Variants in NLRP5 observed in about 807,000 individuals in gnomAD.
NLRP5 encodes NLR family pyrin domain containing 5.
A neutral mutation model predicts 113.1 loss-of-function variants in NLRP5; 93 were observed. That is an observed-to-expected ratio of 0.82 (90% CI 0.70 to 0.98). The LOEUF (loss-of-function observed/expected upper bound fraction) is 0.98, where lower values mean the gene tolerates loss of function less well. NLRP5 is among the 50% of genes least tolerant of loss of function. The probability of loss-of-function intolerance (pLI) is 0.00; values close to 1 mark genes in which losing one functional copy is unlikely to be tolerated. For missense variants in NLRP5, 1,808 were observed against 1,514.3 expected (o/e 1.19, Z -3.22); for synonymous variants, 751 against 600.7 (o/e 1.25, Z -3.66).
chr19:56,053,507 C>A, intron 12 of NLRP5, 131 bp from the exon 13 acceptor site: 1 of 744,880 alleles, frequency 1.3e-6, no homozygotes, highest in Non-Finnish European at 2.2e-6. Flanking sequence ...CTAAGCTGTT[C>A]ACAGGAGTGG....
chr19:56,018,327 T>G (rs1454404526), intron 4 of NLRP5, among the ~76,000 whole-genome samples: 1 of 152,226 alleles, frequency 6.6e-6, no homozygotes, highest in Non-Finnish European at 1.5e-5. Flanking sequence ...TCATATATCC[T>G]AAGACGAATT....
In NLRP5 at chr19:56,027,944, C is replaced by T. The variant is rs201845628; in HGVS notation, c.1711C>T (p.Leu571Phe). 1 of 1,613,902 alleles carries T rather than the reference C, an allele frequency of 6.2e-7. No homozygotes were observed. The highest frequency in any genetic ancestry group is 8.5e-7 in the Non-Finnish European group (1 of 1,179,848). ...TGCTCTGTTTCACATGAACATCCTT[C>T]TCCCAGACAGCCACTGTGAGGAGTA... is the stretch of plus-strand genomic sequence containing the variant. The change falls in exon 7 of 15, where the codon CTC (leucine) becomes TTC (phenylalanine). Residue 571 changes from leucine (L) to phenylalanine (F), a missense_variant. Coordinates refer to ENST00000390649, the MANE Select transcript of NLRP5 (RefSeq NM_153447.4).
chr19:56,003,245 A>G (rs1397467095), intron 1 of NLRP5, among the ~76,000 whole-genome samples: 2 of 152,152 alleles, frequency 1.3e-5, no homozygotes, highest in African/African-American at 4.8e-5. Flanking sequence ...TTCGCCTTCC[A>G]GATTCAAGCG....
chr19:56,015,939 T>C, intron 4 of NLRP5, 141 bp downstream of exon 4: 2 of 564,766 alleles, frequency 3.5e-6, no homozygotes, highest in Non-Finnish European at 6.2e-6. Context: ...CCCTCTTCCC[T>C]AAGAGATCTT....
intron 11 of NLRP5, among the ~76,000 whole-genome samples, chr19:56,049,981 G>A (rs1010265121): frequency 1.3e-5 from 2 of 152,068 alleles, no homozygotes; most frequent in Admixed American, 6.6e-5. Context: ...TTCTGTCAGA[G>A]GGAAGGTCTT....
intron 9 of NLRP5, among the ~76,000 whole-genome samples, 198 bp downstream of exon 9, chr19:56,033,907 T>C (rs997825012): frequency 1.3e-5 from 2 of 152,112 alleles, no homozygotes; most frequent in African/African-American, 2.4e-5. Context: ...TTATAAATAC[T>C]TTATCACAAT....
At chr19:56,015,608 C>A in intron 3 of NLRP5, 134 bp from the exon 4 acceptor site, 1 of 570,078 alleles carries the variant, frequency 1.8e-6, no homozygotes, top group Non-Finnish European at 2.9e-6. Flanking sequence ...GGCGCTGAGC[C>A]AGTGGTTCTG....
chr19:56,050,924 C>G (rs533154979), intron 12 of NLRP5, among the ~76,000 whole-genome samples: 2 of 152,250 alleles, frequency 1.3e-5, no homozygotes, highest in Admixed American at 1.3e-4. Context: ...AATCTCTTTC[C>G]CTCTGGGGCT....
chr19:56,047,497 A>G (rs1256437464), intron 11 of NLRP5, among the ~76,000 whole-genome samples: 1 of 152,138 alleles, frequency 6.6e-6, no homozygotes, highest in African/African-American at 2.4e-5. Flanking sequence ...GTGCTCATTC[A>G]GGAGCAGGTT....
chr19:56,024,769 A>C (rs1982774070), intron 6 of NLRP5, among the ~76,000 whole-genome samples: 1 of 151,458 alleles, frequency 6.6e-6, no homozygotes, highest in Non-Finnish European at 1.5e-5. Context: ...AAAAAAAAAA[A>C]TCTTCATCAG....
intron 1 of NLRP5, among the ~76,000 whole-genome samples, chr19:56,002,433 G>A (rs1176446507): frequency 1.3e-5 from 2 of 151,818 alleles, no homozygotes; most frequent in African/African-American, 4.8e-5. Context: ...TTAGTAACTG[G>A]TAGGAATCTA....
intron 10 of NLRP5, among the ~76,000 whole-genome samples, chr19:56,039,059 G>C (rs2123320973): frequency 6.6e-6 from 1 of 152,314 alleles, no homozygotes; most frequent in Non-Finnish European, 1.5e-5. Context: ...TGCTTACTGA[G>C]CTGTGCCAAG....
chr19:56,044,843 G>A (rs1300208328), intron 11 of NLRP5, among the ~76,000 whole-genome samples: 1 of 152,142 alleles, frequency 6.6e-6, no homozygotes, highest in Non-Finnish European at 1.5e-5. Flanking sequence ...CATGAGCATG[G>A]GATGTGTGTC....
intron 2 of NLRP5, among the ~76,000 whole-genome samples, chr19:56,005,537 C>T (rs1244150798): frequency 2.7e-5 from 4 of 148,068 alleles, no homozygotes; most frequent in Non-Finnish European, 4.4e-5. Context: ...CACACGCACA[C>T]ACGCAGGTGG....
Position 56,061,534 on chromosome 19 carries a change from C to T in NLRP5, c.*6C>T, listed in dbSNP as rs376216648. ...GGTACTGGTGGAAAAACTGAAGATACGGAAACCTGCCCCACTCACACCCAT... is the reference window on the plus strand; with the variant it reads ...GGTACTGGTGGAAAAACTGAAGATATGGAAACCTGCCCCACTCACACCCAT... On this transcript the variant is annotated 3_prime_UTR_variant, in exon 15 of 15. Transcript: ENST00000390649. 54 of 1,613,838 alleles carry T rather than the reference C, an allele frequency of 3.3e-5. No individual in the cohort carries two copies. Among genetic ancestry groups the T allele is most frequent in the South Asian group, 2.6e-4 (24 of 91,058 alleles).
At chr19:56,049,584 T>G (rs1433989213) in intron 11 of NLRP5, among the ~76,000 whole-genome samples, 1 of 152,188 alleles carries the variant, frequency 6.6e-6, no homozygotes, top group Non-Finnish European at 1.5e-5. Context: ...CTGCTGGGAT[T>G]ACAGGTGTGA....
intron 3 of NLRP5, among the ~76,000 whole-genome samples, chr19:56,009,096 T>C (rs1435861854): frequency 6.6e-6 from 1 of 151,988 alleles, no homozygotes; most frequent in African/African-American, 2.4e-5. Context: ...CCCAGTACTT[T>C]GGGAGGCTGA....
At position 56,027,427 on chromosome 19, in the gene NLRP5, C is replaced by T; in HGVS notation, c.1194C>T (p.Val398=). Residue 398 remains valine, a synonymous_variant, in exon 7 of 15, where the codon GTC becomes GTT. Transcript: ENST00000390649. ...TCATACGCAGTCTGCTGAGGAAGGT[C>T]CTGCTCCCTGAGTCCTTCCTGATCG... 1.9e-6 allele frequency: 3 copies of T among 1,613,500 alleles called. No individual in the cohort carries two copies. The highest frequency in any genetic ancestry group is 2.2e-5 in the South Asian group (2 of 90,938).
In NLRP5 at chr19:56,019,350, C is replaced by T. The variant is rs1251674155; in HGVS notation, c.574C>T (p.Gln192Ter). The T allele has an allele frequency of 3.1e-6, 5 of 1,613,818 alleles. No homozygotes were observed. The highest frequency in any genetic ancestry group is 4.2e-6 in the Non-Finnish European group (5 of 1,179,894). ...TCATTCTTCTTTTGCAGAAATTTCACAAGCTATGGAACAAGAAGGTGCCAC... is the reference window on the plus strand; with the variant it reads ...TCATTCTTCTTTTGCAGAAATTTCATAAGCTATGGAACAAGAAGGTGCCAC... The change falls in exon 5 of 15, where the codon CAA becomes TAA. Residue 192 changes from glutamine to a stop codon, truncating the protein, a stop_gained. Transcript: ENST00000390649. LOFTEE classifies it high-confidence loss of function.
Sources: gnomAD v4.1 joint callset for allele counts (sites outside exome capture counted in the v4.1 genomes callset) on GRCh38, gnomAD v4.1.1 for gene constraint, MANE v1.5 for transcripts, NCBI Gene and HGNC (gene_info 2026-07-23, HGNC 2026-07-21) for gene names.